Variants in C1RL observed in about 807,000 individuals in gnomAD.
The protein encoded by C1RL is complement C1r subcomponent-like protein.
In C1RL, 27 loss-of-function variants were observed where a neutral mutation model predicts 27.9. That is an observed-to-expected ratio of 0.97 (90% confidence interval 0.71 to 1.33). C1RL has a LOEUF of 1.33. Among genes scored for constraint, C1RL ranks in the 40% most tolerant of loss-of-function variants. The pLI is 0.00. For missense variants in C1RL, 563 were observed against 623.9 expected (o/e 0.90, Z 1.04); for synonymous variants, 248 against 252.1 (o/e 0.98, Z 0.15).
In C1RL at chr12:7,094,600, T is replaced by C; in HGVS notation, c.*1791A>G. Reference sequence around the variant, plus strand: ...TTGCCTTGGCAGGGAGAAACTCATATCATTTTTTGCAATCATAAAAATAAG... The same window carrying C: ...TTGCCTTGGCAGGGAGAAACTCATACCATTTTTTGCAATCATAAAAATAAG... On this transcript the variant is annotated 3_prime_UTR_variant, in exon 6 of 6. Transcript: ENST00000266542. 1.1e-6 allele frequency: 1 copy of C among 943,282 alleles called. No individual in the cohort carries two copies. The highest frequency in any genetic ancestry group is 1.3e-6 in the Non-Finnish European group (1 of 791,554). 58.4% of individuals were successfully genotyped at this position (943,282 alleles called of 1,614,324 possible).
At chr12:7,099,540 G>T in intron 5 of C1RL, 146 bp downstream of exon 5, 1 of 1,405,868 alleles carries the variant, frequency 7.1e-7, no homozygotes, top group Non-Finnish European at 9.4e-7. Flanking sequence ...TTCTTTTCTG[G>T]GCCTTCTTGA....
At chr12:7,099,798 G>A (rs751232100) in intron 4 of C1RL, 38 bp from the exon 5 acceptor site, 8 of 1,609,272 alleles carry the variant, frequency 5.0e-6, no homozygotes, top group African/African-American at 1.3e-5. Flanking sequence ...AAATAGGCTC[G>A]GAGTTGAAGC....
At position 7,096,265 on chromosome 12, in the gene C1RL, T is replaced by C. The variant is rs1245932088; in HGVS notation, c.*126A>G. 7.1e-7 allele frequency: 1 copy of C among 1,415,378 alleles called. No individual in the cohort carries two copies. The highest frequency in any genetic ancestry group is 9.2e-7 in the Non-Finnish European group (1 of 1,088,716). 87.7% of individuals were successfully genotyped at this position (1,415,378 alleles called of 1,614,324 possible). Reference sequence around the variant, plus strand: ...TGGCTTGGTGCAACAGTGATGTGAATAGGATTTCCCTGCCTCCCCCAACCC... The same window carrying C: ...TGGCTTGGTGCAACAGTGATGTGAACAGGATTTCCCTGCCTCCCCCAACCC... On this transcript the variant is annotated 3_prime_UTR_variant, in exon 6 of 6. Coordinates refer to ENST00000266542, the MANE Select transcript of C1RL (RefSeq NM_016546.4).
chr12:7,097,270 C>A, intron 5 of C1RL, 107 bp from the exon 6 acceptor site: 2 of 894,702 alleles, frequency 2.2e-6, no homozygotes, highest in Non-Finnish European at 3.2e-6. Context: ...TGAAGAGACT[C>A]TGGGATCAGG....
chr12:7,106,722 C>T (rs187151419), intron 2 of C1RL, among the ~76,000 whole-genome samples: 1 of 151,958 alleles, frequency 6.6e-6, no homozygotes, highest in Non-Finnish European at 1.5e-5. Flanking sequence ...AACAAACACC[C>T]CCCACCAAAA....
chr12:7,095,181 T>G lies in C1RL; in HGVS notation c.*1210A>C. On this transcript the variant is annotated 3_prime_UTR_variant, in exon 6 of 6. Coordinates refer to ENST00000266542, the MANE Select transcript of C1RL (RefSeq NM_016546.4). ...CGCAGGCTGGAGTGCAGTGGCGTGATCTTAGCTCACTGCAACCTCCGCCTC... is the reference window on the plus strand; with the variant it reads ...CGCAGGCTGGAGTGCAGTGGCGTGAGCTTAGCTCACTGCAACCTCCGCCTC... 8.9e-7 allele frequency: 1 copy of G among 1,117,638 alleles called. No homozygotes were observed. The highest frequency in any genetic ancestry group is 1.1e-6 in the Non-Finnish European group (1 of 870,988). The allele number at this position is 1,117,638 out of a possible 1,614,324, so 69.2% of individuals were successfully genotyped here.
chr12:7,102,093 A>G lies in C1RL; in HGVS notation c.301-6T>C, dbSNP rs1301342387. 6.2e-7 allele frequency: 1 copy of G among 1,600,760 alleles called. No individual in the cohort carries two copies. Among genetic ancestry groups the G allele is most frequent in the Admixed American group, 1.7e-5 (1 of 59,772 alleles). On this transcript the variant is annotated splice_polypyrimidine_tract_variant and splice_region_variant and intron_variant, in intron 2 of 5. Coordinates refer to ENST00000266542, the MANE Select transcript of C1RL (RefSeq NM_016546.4). The stretch of plus-strand genomic sequence containing the variant: ...TCCGAACCGACGAATGAGATCTGAA[A>G]GCGGGAGGAGGAGTGAGGCTGCAGA...
chr12:7,095,409 C>T lies in C1RL; in HGVS notation c.*982G>A, dbSNP rs1234829531. 9.0e-6 allele frequency: 9 copies of T among 999,988 alleles called. No individual in the cohort carries two copies. In the South Asian group the frequency reaches 1.2e-4, roughly 13 times the overall value. The allele number at this position is 999,988 out of a possible 1,614,324, so 61.9% of individuals were successfully genotyped here. A position where few individuals can be genotyped will look rare whatever the true frequency, so the allele number is the denominator to read the frequency against. ...GATTACAGGCGTGAGCCACTGCGCC[C>T]GGCCCATCACCTCCAGGTTTTACTA... is the stretch of plus-strand genomic sequence containing the variant. On this transcript the variant is annotated 3_prime_UTR_variant, in exon 6 of 6. Coordinates refer to ENST00000266542, the MANE Select transcript of C1RL (RefSeq NM_016546.4).
intron 1 of C1RL, 131 bp downstream of exon 1, chr12:7,108,979 G>GGGGGA (rs1455166026): frequency 5.1e-5 from 9 of 176,088 alleles, no homozygotes; most frequent in African/African-American, 2.3e-4. Flanking sequence ...GTGTGTGTGT[G>GGGGGA]TGTGTGTGTG....
chr12:7,097,555 T>A (rs1013334601), intron 5 of C1RL, among the ~76,000 whole-genome samples: 2 of 152,102 alleles, frequency 1.3e-5, no homozygotes, highest in Non-Finnish European at 2.9e-5. Flanking sequence ...GTGCTGGGAT[T>A]ACAGGCGTGA....
Position 7,096,280 on chromosome 12 carries a change from T to G in C1RL, c.*111A>C. On this transcript the variant is annotated 3_prime_UTR_variant, in exon 6 of 6. Transcript: ENST00000266542. ...GTGATGTGAATAGGATTTCCCTGCC[T>G]CCCCCAACCCCCCACCCCCAACCCC... 12 of 992,598 alleles carry G rather than the reference T, an allele frequency of 1.2e-5. No individual in the cohort carries two copies. The highest frequency in any genetic ancestry group is 1.3e-5 in the Non-Finnish European group (11 of 832,112). 61.5% of individuals were successfully genotyped at this position (992,598 alleles called of 1,614,324 possible).
intron 3 of C1RL, 36 bp from the exon 4 acceptor site, chr12:7,100,062 C>A (rs77625964): frequency 9.5e-6 from 15 of 1,580,528 alleles, no homozygotes; most frequent in African/African-American, 8.1e-5. Flanking sequence ...GACTTGCCAA[C>A]TGGCAACCCA....
At position 7,096,009 on chromosome 12, in the gene C1RL, T is replaced by C. The variant is rs773772293; in HGVS notation, c.*382A>G. Reference sequence around the variant, plus strand: ...GAAAACCCCTTCCTCCATACTCTAATAGCGGGTGAGTAGCTGACTCTTCCA... The same window carrying C: ...GAAAACCCCTTCCTCCATACTCTAACAGCGGGTGAGTAGCTGACTCTTCCA... On this transcript the variant is annotated 3_prime_UTR_variant, in exon 6 of 6. Transcript: ENST00000266542. The C allele has an allele frequency of 4.4e-5, 45 of 1,017,046 alleles. No individual in the cohort carries two copies. The highest frequency in any genetic ancestry group is 5.3e-5 in the Non-Finnish European group (45 of 851,938). 63.0% of individuals were successfully genotyped at this position (1,017,046 alleles called of 1,614,324 possible).
rs1348214224 is a variant in C1RL, at chr12:7,099,941, C to A, written c.576G>T (p.Gln192His). ...NAPGDNPAKV[Q>H]NHCQEPYYQA... is the part of the protein sequence containing the mutation. ...GATAATAGGGCTCCTGGCAGTGGTT[C>A]TGGACCTTGGCAGGGTTGTCTCCAG... The change falls in exon 4 of 6, where the codon CAG becomes CAT. Residue 192 changes from glutamine to histidine, a missense_variant. Transcript: ENST00000266542. 1 of 1,614,084 alleles carries A rather than the reference C, an allele frequency of 6.2e-7. No homozygotes were observed. The highest frequency in any genetic ancestry group is 8.5e-7 in the Non-Finnish European group (1 of 1,180,022).
At chr12:7,106,650 T>C (rs1938773831) in intron 2 of C1RL, among the ~76,000 whole-genome samples, 1 of 152,182 alleles carries the variant, frequency 6.6e-6, no homozygotes, top group Non-Finnish European at 1.5e-5. Flanking sequence ...TTTACACTCC[T>C]GGTTAAGAGT....
In C1RL at chr12:7,095,497, G is replaced by T; in HGVS notation, c.*894C>A. On this transcript the variant is annotated 3_prime_UTR_variant, in exon 6 of 6. Transcript: ENST00000266542. Reference sequence around the variant, plus strand: ...CCCTGATGATAGGGGCACAGGTGGGGTGTCTGCAAGAACTTCAGTCCAGTG... The same window carrying T: ...CCCTGATGATAGGGGCACAGGTGGGTTGTCTGCAAGAACTTCAGTCCAGTG... The T allele has an allele frequency of 2.0e-6, 2 of 988,490 alleles. No individual in the cohort carries two copies. The highest frequency in any genetic ancestry group is 2.4e-6 in the Non-Finnish European group (2 of 831,646). 61.2% of individuals were successfully genotyped at this position (988,490 alleles called of 1,614,324 possible). A position where few individuals can be genotyped will look rare whatever the true frequency, so the allele number is the denominator to read the frequency against.
Position 7,096,283 on chromosome 12 carries a change from C to G in C1RL, c.*108G>C. The G allele has an allele frequency of 8.6e-7, 1 of 1,162,240 alleles. No homozygotes were observed. Among genetic ancestry groups the G allele is most frequent in the Non-Finnish European group, 1.1e-6 (1 of 929,198 alleles). 72.0% of individuals were successfully genotyped at this position (1,162,240 alleles called of 1,614,324 possible). On this transcript the variant is annotated 3_prime_UTR_variant, in exon 6 of 6. Coordinates refer to ENST00000266542, the MANE Select transcript of C1RL (RefSeq NM_016546.4). ...ATGTGAATAGGATTTCCCTGCCTCC[C>G]CCAACCCCCCACCCCCAACCCCTAC...
In C1RL at chr12:7,094,566, T is replaced by C; in HGVS notation, c.*1825A>G. 1 of 621,938 alleles carries C rather than the reference T, an allele frequency of 1.6e-6. No individual in the cohort carries two copies. Among genetic ancestry groups the C allele is most frequent in the Non-Finnish European group, 1.9e-6 (1 of 535,364 alleles). 38.5% of individuals were successfully genotyped at this position (621,938 alleles called of 1,614,324 possible). On this transcript the variant is annotated 3_prime_UTR_variant, in exon 6 of 6. Transcript: ENST00000266542. ...ATACACATATAAATATAGGTATATA[T>C]ATATTTTTTTGCCTTGGCAGGGAGA...
Position 7,104,978 on chromosome 12 carries a change from CAGA to C in C1RL, c.301-2894_301-2892del, listed in dbSNP as rs2135761382. On this transcript the variant is annotated intron_variant, in intron 2 of 5. Coordinates refer to ENST00000266542, the MANE Select transcript of C1RL (RefSeq NM_016546.4). This position sits in a 1 kb window ranked among gnomAD's most constrained non-coding sequence, Gnocchi z 5.4. ...AAGTGAGGACTCACTGTACCAAAAA[CAGA>C]AGGATTAAGTGAAAGTCTACCTGCC... Among the ~76,000 whole-genome samples, 1 of 152,292 alleles carries C rather than the reference CAGA, an allele frequency of 6.6e-6. No homozygotes were observed. The highest frequency in any genetic ancestry group is 2.4e-5 in the African/African-American group (1 of 41,560).
Sources: gnomAD v4.1 joint callset for allele counts (sites outside exome capture counted in the v4.1 genomes callset) on GRCh38, gnomAD v4.1.1 for gene constraint, Gnocchi (gnomAD v3.1) non-coding constraint, MANE v1.5 for transcripts, NCBI Gene and HGNC (gene_info 2026-07-23, HGNC 2026-07-21) for gene names.